DPP6: variants seen among roughly 807,000 people sequenced by gnomAD.
DPP6 encodes A-type potassium channel modulatory protein DPP6.
In DPP6, 69 loss-of-function variants were observed where a neutral mutation model predicts 122.6. The observed-to-expected ratio is 0.56, with a 90% CI of 0.46 to 0.69. The LOEUF (loss-of-function observed/expected upper bound fraction) is 0.69, where lower values mean the gene tolerates loss of function less well. DPP6 is among the 30% of genes least tolerant of loss of function. The pLI, the probability that DPP6 is intolerant of heterozygous loss-of-function variation, is 0.00. For synonymous variants in DPP6, 418 were observed against 433.1 expected (o/e 0.97, Z 0.43); for missense variants, 928 against 1,116.9 (o/e 0.83, Z 2.41).
intron 16 of DPP6, among the ~76,000 whole-genome samples, chr7:154,834,721 C>T (rs974998418): frequency 2.6e-5 from 4 of 152,190 alleles, no homozygotes; most frequent in Non-Finnish European, 4.4e-5. Flanking sequence ...GCTGTGGGAT[C>T]GTGATGTTCA....
At chr7:154,223,892 T>C (rs1800445096) in intron 1 of DPP6, among the ~76,000 whole-genome samples, 1 of 148,832 alleles carries the variant, frequency 6.7e-6, no homozygotes, top group Admixed American at 6.6e-5. Context: ...GAGGCCACTG[T>C]GGCCCAGCCG....
chr7:154,254,400 T>C (rs1802533466), intron 1 of DPP6, among the ~76,000 whole-genome samples: 1 of 152,230 alleles, frequency 6.6e-6, no homozygotes. Flanking sequence ...TGTTTATTTA[T>C]AGATTTAGTT....
intron 13 of DPP6, among the ~76,000 whole-genome samples, chr7:154,802,411 G>C (rs1341357640): frequency 6.6e-6 from 1 of 151,624 alleles, no homozygotes. Flanking sequence ...GATGGAAATG[G>C]CGTCTCTTGG....
intron 1 of DPP6, among the ~76,000 whole-genome samples, chr7:154,232,828 A>T (rs1443485572): frequency 3.3e-5 from 5 of 152,224 alleles, no homozygotes; most frequent in Non-Finnish European, 7.3e-5. Context: ...GCCAAAAGTC[A>T]GCAGAAAACA....
chr7:154,553,733 A>G (rs73163086), intron 4 of DPP6, among the ~76,000 whole-genome samples: 25,647 of 152,048 alleles, frequency 0.17, 2,315 homozygotes, highest in African/African-American at 0.19. Flanking sequence ...GTTATAAGAT[A>G]GGGCTGAGGC....
chr7:153,880,044 G>C, the DPP6 span, among the ~76,000 whole-genome samples: 1 of 152,026 alleles, frequency 6.6e-6, no homozygotes, highest in Non-Finnish European at 1.5e-5. Context: ...CCATCTTATA[G>C]GAAAATTAAC....
At chr7:154,160,810 C>T (rs558895944) in intron 1 of DPP6, among the ~76,000 whole-genome samples, 1 of 152,290 alleles carries the variant, frequency 6.6e-6, no homozygotes, top group Non-Finnish European at 1.5e-5. Context: ...GTTCTGTCAC[C>T]TTGGCGATGA....
intron 1 of DPP6, among the ~76,000 whole-genome samples, chr7:154,209,543 TAAA>T (rs59919645): frequency 0.091 from 8,093 of 88,646 alleles, 421 homozygotes; most frequent in African/African-American, 0.13. Flanking sequence ...AAGTTGAAGT[TAAA>T]AAAAAAAAAC....
At chr7:154,883,101 A>ACCCATACACG (rs1805546002) in intron 21 of DPP6, among the ~76,000 whole-genome samples, 1 of 150,000 alleles carries the variant, frequency 6.7e-6, no homozygotes, top group African/African-American at 2.5e-5. Flanking sequence ...ACCCATACAC[A>ACCCATACACG]TGCTCTCACA....
intron 5 of DPP6, among the ~76,000 whole-genome samples, chr7:154,610,744 T>A (rs62477195): frequency 0.42 from 60,606 of 142,782 alleles, 13,299 homozygotes; most frequent in East Asian, 0.67. Flanking sequence ...TGTGTGTGTG[T>A]GATTGTGCAC....
At chr7:154,134,297 C>G (rs1250261869) in intron 1 of DPP6, among the ~76,000 whole-genome samples, 1 of 152,156 alleles carries the variant, frequency 6.6e-6, no homozygotes, top group Non-Finnish European at 1.5e-5. Context: ...CTGGAAGTCT[C>G]CAGAACTATG....
Position 154,488,905 on chromosome 7 carries a change from G to A in DPP6, c.457+13868G>A, listed in dbSNP as rs550715168. Among the ~76,000 whole-genome samples the A allele has an allele frequency of 1.0e-3, 156 of 152,096 alleles. 2 individuals carry two copies. The highest frequency in any genetic ancestry group is 8.8e-4 in the Non-Finnish European group (60 of 68,026). ...CCTCATGACGTGTTTATCTCTCAGC[G>A]ATACTTTGCTACCAGCACTGCATCT... is the stretch of plus-strand genomic sequence containing the variant. On this transcript the variant is annotated intron_variant, in intron 3 of 25. Coordinates refer to ENST00000377770, the MANE Select transcript of DPP6 (RefSeq NM_130797.4).
intron 1 of DPP6, among the ~76,000 whole-genome samples, chr7:154,166,607 T>C (rs367549792): frequency 0.036 from 5,054 of 141,616 alleles, 121 homozygotes; most frequent in Non-Finnish European, 0.05. Flanking sequence ...GCACAGTATG[T>C]ACGTTTAGAA....
chr7:154,535,658 A>G (rs1209617849), intron 3 of DPP6, among the ~76,000 whole-genome samples: 1 of 151,846 alleles, frequency 6.6e-6, no homozygotes, highest in Admixed American at 6.6e-5. Flanking sequence ...CATATCCAGA[A>G]TGCTTAAAGG....
At chr7:154,135,194 T>C (rs1411789977) in intron 1 of DPP6, among the ~76,000 whole-genome samples, 1 of 152,054 alleles carries the variant, frequency 6.6e-6, no homozygotes, top group African/African-American at 2.4e-5. Flanking sequence ...GCACTTCCTG[T>C]AAGCCTACAC....
Position 154,501,912 on chromosome 7 carries a change from C to A in DPP6, c.457+26875C>A, listed in dbSNP as rs543477950. On this transcript the variant is annotated intron_variant, in intron 3 of 25. Coordinates refer to ENST00000377770, the MANE Select transcript of DPP6 (RefSeq NM_130797.4). ...CTCAAGGCCAGTCCATGAAAGCAGC[C>A]TGAAGGGAGGCTGTCCCCTGCAGAG... 1.8e-3 allele frequency among the ~76,000 whole-genome samples: 269 copies of A among 149,566 alleles called. 1 individual carries two copies. The highest frequency in any genetic ancestry group is 6.3e-3 in the African/African-American group (255 of 40,634).
intron 7 of DPP6, among the ~76,000 whole-genome samples, chr7:154,674,283 C>T (rs577971110): frequency 1.3e-5 from 2 of 152,140 alleles, no homozygotes; most frequent in Non-Finnish European, 2.9e-5. Context: ...GATTAGTTGT[C>T]TGGTTTAGGA....
chr7:154,207,586 A>C (rs1388593632), intron 1 of DPP6, among the ~76,000 whole-genome samples: 1 of 152,210 alleles, frequency 6.6e-6, no homozygotes, highest in East Asian at 1.9e-4. Context: ...AAAACTTTGT[A>C]TGGTAGTTTG....
chr7:153,777,705 A>G, the DPP6 span, among the ~76,000 whole-genome samples: 1 of 118,882 alleles, frequency 8.4e-6, no homozygotes, highest in Non-Finnish European at 1.6e-5. Flanking sequence ...AGAGGTACAG[A>G]TCAAGTTAGT....
Sources: gnomAD v4.1 joint callset for allele counts (sites outside exome capture counted in the v4.1 genomes callset) on GRCh38, gnomAD v4.1.1 for gene constraint, MANE v1.5 for transcripts, NCBI Gene and HGNC (gene_info 2026-07-23, HGNC 2026-07-21) for gene names.